The following NRG1 variants were observed in gnomAD, a reference collection of about 807,000 sequenced individuals.
NRG1 encodes pro-neuregulin-1, membrane-bound isoform.
Under a neutral mutation model 63.8 loss-of-function variants are expected in NRG1, and 18 were observed. The observed-to-expected ratio is 0.28, with a 90% CI of 0.19 to 0.42. The LOEUF (loss-of-function observed/expected upper bound fraction) is 0.42. Ranked by LOEUF, NRG1 falls within the 10% of genes least tolerant of loss-of-function variation. The pLI is 1.00. For missense variants in NRG1, 762 were observed against 814.7 expected, an observed-to-expected ratio of 0.94 and a Z score of 0.79; for synonymous variants, 302 against 301.3, an observed-to-expected ratio of 1.00 and a Z score of -0.02.
At chr8:31,828,747 C>G (rs747054504) in intron 1 of NRG1, among the ~76,000 whole-genome samples, 1 of 152,174 alleles carries the variant, frequency 6.6e-6, no homozygotes, top group Non-Finnish European at 1.5e-5. Context: ...GGCAAACTCT[C>G]TAGTTTCTTA....
At chr8:31,652,008 C>G (rs1804896474) in intron 1 of NRG1, among the ~76,000 whole-genome samples, 1 of 152,210 alleles carries the variant, frequency 6.6e-6, no homozygotes, top group Non-Finnish European at 1.5e-5. Context: ...CTGCCAGTCC[C>G]TCTGCACATT....
At chr8:32,661,393 T>C (rs766505774) in intron 5 of NRG1, among the ~76,000 whole-genome samples, 3 of 152,228 alleles carry the variant, frequency 2.0e-5, no homozygotes, top group Non-Finnish European at 4.4e-5. Context: ...GGTCCTGTCA[T>C]TGATAAGATA....
chr8:32,137,105 TAGGAAGC>T (rs1835632970), intron 1 of NRG1, among the ~76,000 whole-genome samples: 1 of 152,146 alleles, frequency 6.6e-6, no homozygotes, highest in Non-Finnish European at 1.5e-5. Context: ...AATTTAATTG[TAGGAAGC>T]TCCTTTACCG....
In NRG1 at chr8:31,845,271, T is replaced by C. The variant is rs371924902; in HGVS notation, c.37+205840T>C. On this transcript the variant is annotated intron_variant, in intron 1 of 10. Coordinates refer to the NRG1 transcript ENST00000519301. Reference sequence around the variant, plus strand: ...GGTATGTCAGATATGATTCTATTAGTAGTCTCCAGGGTTCATAGCTTGTTA... The same window carrying C: ...GGTATGTCAGATATGATTCTATTAGCAGTCTCCAGGGTTCATAGCTTGTTA... 8.0e-4 allele frequency among the ~76,000 whole-genome samples: 122 copies of C among 152,304 alleles called. 2 individuals are homozygous for C. The South Asian group carries it at 0.025, about 31-fold the overall frequency.
chr8:32,537,195 CAAAAAA>C (rs71208193), intron 1 of NRG1, among the ~76,000 whole-genome samples: 1,173 of 43,772 alleles, frequency 0.027, 10 homozygotes, highest in Middle Eastern at 0.12. Flanking sequence ...GACTCCATCT[CAAAAAA>C]AAAAAAAAAA....
intron 1 of NRG1, among the ~76,000 whole-genome samples, chr8:31,873,122 CTG>C (rs999507873): frequency 8.5e-5 from 13 of 152,142 alleles, no homozygotes; most frequent in African/African-American, 2.7e-4. Context: ...CAATTATACA[CTG>C]TAAATATTTA....
At chr8:31,869,633 G>T (rs540559314) in intron 1 of NRG1, among the ~76,000 whole-genome samples, 1 of 152,122 alleles carries the variant, frequency 6.6e-6, no homozygotes, top group Non-Finnish European at 1.5e-5. Flanking sequence ...GGGATTATTC[G>T]TGCTCTGTGT....
intron 1 of NRG1, among the ~76,000 whole-genome samples, chr8:32,444,901 T>C (rs1239074010): frequency 6.6e-6 from 1 of 152,224 alleles, no homozygotes; most frequent in East Asian, 1.9e-4. Context: ...TCGATAGCTT[T>C]AAATGTCTGT....
At chr8:32,097,942 T>C (rs897272822) in intron 1 of NRG1, among the ~76,000 whole-genome samples, 2 of 152,164 alleles carry the variant, frequency 1.3e-5, no homozygotes, top group Non-Finnish European at 2.9e-5. Context: ...GGGCTGGAGA[T>C]ATAAATTTAG....
At chr8:32,475,382 T>C (rs144068604) in intron 1 of NRG1, among the ~76,000 whole-genome samples, 1 of 144,934 alleles carries the variant, frequency 6.9e-6, no homozygotes, top group East Asian at 2.1e-4. Context: ...GGAGATTCAC[T>C]TGAAGCCGGG....
intron 1 of NRG1, among the ~76,000 whole-genome samples, chr8:32,172,107 G>C (rs1255551207): frequency 1.3e-5 from 2 of 152,178 alleles, no homozygotes; most frequent in African/African-American, 2.4e-5. Context: ...AGTAGGGGCA[G>C]ACTGACACCT....
intron 1 of NRG1, among the ~76,000 whole-genome samples, chr8:32,029,893 C>A (rs1162233728): frequency 6.6e-6 from 1 of 151,384 alleles, no homozygotes; most frequent in Non-Finnish European, 1.5e-5. Context: ...AATCTAATAT[C>A]TGGTATTCAG....
chr8:32,224,771 G>A (rs1846159448), intron 1 of NRG1, among the ~76,000 whole-genome samples: 1 of 152,182 alleles, frequency 6.6e-6, no homozygotes, highest in Non-Finnish European at 1.5e-5. Flanking sequence ...GTCAGAAGGT[G>A]TGGATTTTCA....
intron 1 of NRG1, among the ~76,000 whole-genome samples, chr8:31,762,588 A>G (rs192680376): frequency 9.9e-5 from 15 of 152,276 alleles, no homozygotes; most frequent in Admixed American, 1.3e-4. Context: ...GTCAAATGGT[A>G]TTTCTGGTTC....
intron 1 of NRG1, among the ~76,000 whole-genome samples, chr8:32,225,779 G>T (rs1014054054): frequency 6.6e-6 from 1 of 152,176 alleles, no homozygotes; most frequent in Non-Finnish European, 1.5e-5. Flanking sequence ...TCGTTTCACT[G>T]CAGCAGTGTC....
intron 1 of NRG1, among the ~76,000 whole-genome samples, chr8:31,702,621 A>T (rs1810742596): frequency 6.6e-6 from 1 of 152,142 alleles, no homozygotes; most frequent in Non-Finnish European, 1.5e-5. Context: ...CATGCTTAGC[A>T]GTGCCCTCAT....
intron 1 of NRG1, among the ~76,000 whole-genome samples, chr8:31,899,473 G>A (rs559781034): frequency 1.3e-5 from 2 of 152,034 alleles, no homozygotes; most frequent in Non-Finnish European, 2.9e-5. Flanking sequence ...TTCTGCATTT[G>A]CAAATTTTGT....
rs1809432166 is a variant in NRG1, at chr8:31,983,061, A to G, written c.37+343630A>G. On this transcript the variant is annotated intron_variant, in intron 1 of 10. Transcript: ENST00000519301. ...ACTTTAATCAATTAATGTGAATAAT[A>G]TCATACCTTTTTAAGCCTAAAATGG... Among the ~76,000 whole-genome samples, 7 of 152,152 alleles carry G rather than the reference A, an allele frequency of 4.6e-5. No homozygotes were observed. In the South Asian group the frequency reaches 1.2e-3, roughly 27 times the overall value.
intron 1 of NRG1, among the ~76,000 whole-genome samples, chr8:32,255,539 T>C (rs1363239496): frequency 6.6e-6 from 1 of 152,250 alleles, no homozygotes; most frequent in Non-Finnish European, 1.5e-5. Context: ...TTCTGGCTTG[T>C]AGGGTTTCTG....
Sources: allele counts gnomAD v4.1 joint callset (sites outside exome capture counted in the v4.1 genomes callset), GRCh38; gene constraint gnomAD v4.1.1; transcripts MANE v1.5; gene names NCBI Gene and HGNC (gene_info 2026-07-23, HGNC 2026-07-21).